The following NBPF8 variants were observed in gnomAD, a reference collection of about 807,000 sequenced individuals.
NBPF8 encodes the protein NBPF family member NBPF8.
chr1:120,460,278 T>A (rs1430343745), intron 17 of NBPF8, among the ~76,000 whole-genome samples: 1 of 152,170 alleles, frequency 6.6e-6, no homozygotes, highest in Non-Finnish European at 1.5e-5. Context: ...GTGTTAGAAC[T>A]ATTTGCCTAC....
chr1:120,434,572 G>T (rs1166082629), upstream of NBPF8, among the ~76,000 whole-genome samples: 1 of 150,880 alleles, frequency 6.6e-6, no homozygotes, highest in South Asian at 2.1e-4. Context: ...TGTTCTCATT[G>T]TTCAGTTCCC....
At chr1:120,421,932 G>T (rs1660588280) in intron 1 of NBPF8, among the ~76,000 whole-genome samples, 1 of 152,158 alleles carries the variant, frequency 6.6e-6, no homozygotes, top group Admixed American at 6.5e-5. Flanking sequence ...CCCAGGGTTA[G>T]AGGTAAATGG....
exon 25 of NBPF8, chr1:120,466,316 AGACATAGGATGG>A (rs1661749844): frequency 6.5e-7 from 1 of 1,536,598 alleles, no homozygotes; most frequent in Non-Finnish European, 8.9e-7. Context: ...TTGGAAGCCC[AGACATAGGATGG>A]GTCAGTGGGC....
At chr1:120,425,943 AGAG>A (rs1660717007) in intron 2 of NBPF8, among the ~76,000 whole-genome samples, 1 of 104,124 alleles carries the variant, frequency 9.6e-6, no homozygotes, top group African/African-American at 4.0e-5. Flanking sequence ...TTGAAATTCA[AGAG>A]GAGAGACAGG....
chr1:120,435,701 A>G (rs1449866474), upstream of NBPF8, among the ~76,000 whole-genome samples: 3 of 151,872 alleles, frequency 2.0e-5, no homozygotes, highest in Non-Finnish European at 4.4e-5. Context: ...AAAGAAAAAA[A>G]AAAAGAAAAG....
exon 8 of NBPF8, chr1:120,446,020 A>T (rs1661149887): frequency 7.7e-7 from 1 of 1,297,892 alleles, no homozygotes; most frequent in South Asian, 1.2e-5. Flanking sequence ...CTGGCACAGC[A>T]CCTTGTCCAA....
intron 8 of NBPF8, among the ~76,000 whole-genome samples, chr1:120,446,452 T>A (rs1468091348): frequency 1.3e-4 from 4 of 29,976 alleles, no homozygotes; most frequent in Admixed American, 3.0e-4. Context: ...TCTCTCTCCA[T>A]CTGCAAAGGC....
At chr1:120,460,662 G>C in intron 18 of NBPF8, 38 bp downstream of exon 16, 1 of 906,212 alleles carries the variant, frequency 1.1e-6, no homozygotes, top group Middle Eastern at 3.0e-4. Context: ...ATTTGATGTT[G>C]ACACCTGGAG....
rs1448303931 is a variant in NBPF8, at chr1:120,456,241, G to T, written n.2620+781G>T. Among the ~76,000 whole-genome samples the T allele has an allele frequency of 2.6e-5, 4 of 151,384 alleles. No individual in the cohort carries two copies. The South Asian group carries it at 6.2e-4, about 24-fold the overall frequency. On this transcript the variant is annotated intron_variant and non_coding_transcript_variant, in intron 16 of 24. Coordinates refer to ENST00000583271, the Ensembl canonical transcript of NBPF8. ...TGGTGCTGAGAAGAATGTATATTCT[G>T]TTGATTTGGGGTGGAGGGTTCTGTA...
chr1:120,462,190 T>C (rs1661610499), exon 20 of NBPF8: 13 of 558,246 alleles, frequency 2.3e-5, no homozygotes. Context: ...AGACCCATCA[T>C]GCCCCAGGTA....
At chr1:120,427,817 G>C (rs1449224809) in exon 3 of NBPF8, among the ~76,000 whole-genome samples, 3 of 143,874 alleles carry the variant, frequency 2.1e-5, no homozygotes, top group Admixed American at 7.1e-5. Context: ...GCAGCCGCCA[G>C]TTGGGATCAA....
chr1:120,434,231 T>G (rs1480544336), upstream of NBPF8, among the ~76,000 whole-genome samples: 2 of 148,360 alleles, frequency 1.3e-5, no homozygotes, highest in African/African-American at 4.9e-5. Context: ...GAAAAAAATA[T>G]ATATATATAA....
chr1:120,462,480 T>A (rs1198634303), intron 20 of NBPF8, among the ~76,000 whole-genome samples: 1 of 132,758 alleles, frequency 7.5e-6, no homozygotes, highest in Non-Finnish European at 1.6e-5. Flanking sequence ...ACTCTTTTCA[T>A]GATCACTGTT....
intron 3 of NBPF8, among the ~76,000 whole-genome samples, chr1:120,428,163 T>C (rs1297718875): frequency 1.3e-5 from 2 of 152,060 alleles, no homozygotes; most frequent in Non-Finnish European, 2.9e-5. Context: ...TCCCCTCCCT[T>C]TATGTACATA....
upstream of NBPF8, among the ~76,000 whole-genome samples, chr1:120,434,687 T>C (rs1219387869): frequency 6.7e-6 from 1 of 150,362 alleles, no homozygotes. Flanking sequence ...AAAACGATTT[T>C]GAGTGAAATA....
intron 1 of NBPF8, among the ~76,000 whole-genome samples, chr1:120,425,419 CT>C (rs1660695921): frequency 6.6e-6 from 1 of 152,002 alleles, no homozygotes; most frequent in African/African-American, 2.4e-5. Context: ...AAGCACAGCA[CT>C]TTTTTCTTTA....
At chr1:120,415,208 C>T (rs1262414872), upstream of NBPF8, among the ~76,000 whole-genome samples, 18 of 152,182 alleles carry the variant, frequency 1.2e-4, no homozygotes, top group Non-Finnish European at 2.5e-4. Flanking sequence ...CGGGCCGAGG[C>T]GCGGCGCACG....
At chr1:120,430,752 CAAAAAAAA>C in intron 3 of NBPF8, among the ~76,000 whole-genome samples, 1 of 41,246 alleles carries the variant, frequency 2.4e-5, no homozygotes, top group Admixed American at 2.7e-4. Flanking sequence ...GACTCTGTCT[CAAAAAAAA>C]AAAAAAAAAA....
chr1:120,454,437 A>AATGTCC (rs1570940754), intron 15 of NBPF8, among the ~76,000 whole-genome samples: 2 of 151,780 alleles, frequency 1.3e-5, no homozygotes, highest in East Asian at 3.9e-4. Context: ...GTCCCTGAAC[A>AATGTCC]ATGTCCATGG....
Sources: allele counts gnomAD v4.1 joint callset (sites outside exome capture counted in the v4.1 genomes callset), GRCh38; gene constraint gnomAD v4.1.1; transcripts MANE v1.5; gene names NCBI Gene and HGNC (gene_info 2026-07-23, HGNC 2026-07-21).